Variants in LONRF1 observed in about 807,000 individuals in gnomAD.
LONRF1 encodes LON peptidase N-terminal domain and RING finger protein 1.
Under a neutral mutation model 85.8 loss-of-function variants are expected in LONRF1, and 37 were observed. The observed-to-expected ratio is 0.43, with a 90% CI of 0.33 to 0.57. LONRF1 has a LOEUF of 0.57. Among genes scored for constraint, LONRF1 ranks in the 20% least tolerant of loss-of-function variants. The probability of loss-of-function intolerance (pLI) is 0.04; values close to 1 mark genes in which losing one functional copy is unlikely to be tolerated. For synonymous variants in LONRF1, 517 were observed against 390.1 expected (o/e 1.33, Z -3.83); for missense variants, 1,036 against 978.0 (o/e 1.06, Z -0.79).
At chr8:12,749,948 G>C (rs1022831195) in intron 1 of LONRF1, among the ~76,000 whole-genome samples, 2 of 152,110 alleles carry the variant, frequency 1.3e-5, no homozygotes, top group African/African-American at 4.8e-5. Context: ...CTAAAACAAT[G>C]CCTGGTATAT....
chr8:12,748,203 ACTTT>A (rs1799240684), intron 1 of LONRF1, among the ~76,000 whole-genome samples: 1 of 152,028 alleles, frequency 6.6e-6, no homozygotes, highest in South Asian at 2.1e-4. Flanking sequence ...TATTGCTTGT[ACTTT>A]ATTTATTTGA....
chr8:12,751,297 T>TTTTTTTTTTTTTTGC (rs1563160546), intron 1 of LONRF1, among the ~76,000 whole-genome samples: 1 of 51,172 alleles, frequency 2.0e-5, no homozygotes, highest in Non-Finnish European at 4.6e-5. Context: ...TATTTTTATG[T>TTTTTTTTTTTTTTGC]TTTTTTTTTT....
intron 1 of LONRF1, among the ~76,000 whole-genome samples, chr8:12,752,818 C>G (rs1585265160): frequency 6.6e-6 from 1 of 152,208 alleles, no homozygotes; most frequent in East Asian, 1.9e-4. Context: ...ATCACTAAAT[C>G]AGCAGTACTG....
intron 1 of LONRF1, chr8:12,753,329 GTC>G (rs1204658612): frequency 1.3e-5 from 2 of 152,160 alleles, no homozygotes; most frequent in Non-Finnish European, 2.9e-5. Flanking sequence ...CAGTTACACA[GTC>G]TATAAATTTA....
At chr8:12,739,644 G>C (rs573917156) in intron 3 of LONRF1, among the ~76,000 whole-genome samples, 1 of 152,246 alleles carries the variant, frequency 6.6e-6, no homozygotes, top group Admixed American at 6.5e-5. Flanking sequence ...CTTAGAAAAA[G>C]TATATTGGAG....
Position 12,737,032 on chromosome 8 carries a change from A to T in LONRF1, c.1222T>A (p.Leu408Ile). Residue 408 changes from leucine (L) to isoleucine (I), a missense_variant, in exon 5 of 12, where the codon TTA becomes ATA. Transcript: ENST00000398246. The part of the protein sequence containing the change: ...STEMPAREDC[L>I]KRVSSEPVLS... ...ACAGGTTCTGAGGACACTCTTTTTA[A>T]ACAGTCCTCTCTGGCAGGCATTTCT... 1 of 1,613,676 alleles carries T rather than the reference A, an allele frequency of 6.2e-7. No individual in the cohort carries two copies. Among genetic ancestry groups the T allele is most frequent in the Non-Finnish European group, 8.5e-7 (1 of 1,179,718 alleles).
chr8:12,749,803 T>C (rs542139160), intron 1 of LONRF1, among the ~76,000 whole-genome samples: 9 of 152,202 alleles, frequency 5.9e-5, no homozygotes, highest in Non-Finnish European at 1.3e-4. Flanking sequence ...ATAGTCTCGG[T>C]TAAGTAGAAG....
chr8:12,726,904 T>C (rs1798329236), intron 10 of LONRF1, among the ~76,000 whole-genome samples: 1 of 152,162 alleles, frequency 6.6e-6, no homozygotes, highest in Non-Finnish European at 1.5e-5. Flanking sequence ...GTTTTTTGCA[T>C]AACAATGTGA....
At chr8:12,743,937 T>A (rs544217846) in intron 1 of LONRF1, among the ~76,000 whole-genome samples, 12 of 152,286 alleles carry the variant, frequency 7.9e-5, no homozygotes, top group African/African-American at 2.9e-4. Context: ...ATCATCCACA[T>A]CTGTACTTAA....
intron 1 of LONRF1, among the ~76,000 whole-genome samples, chr8:12,744,299 G>T (rs1799057358): frequency 6.6e-6 from 1 of 152,078 alleles, no homozygotes; most frequent in Non-Finnish European, 1.5e-5. Context: ...GCCTCTTTCA[G>T]TTGCTGGTGC....
intron 1 of LONRF1, among the ~76,000 whole-genome samples, chr8:12,745,345 A>T (rs1303604968): frequency 2.4e-5 from 3 of 124,426 alleles, no homozygotes; most frequent in African/African-American, 8.8e-5. Flanking sequence ...AAAAAAAAAA[A>T]CCAACCCCAT....
chr8:12,737,235 A>T (rs761897697), intron 4 of LONRF1, 95 bp from the exon 5 acceptor site: 2 of 1,356,728 alleles, frequency 1.5e-6, no homozygotes, highest in Admixed American at 1.7e-5. Flanking sequence ...TCAATGCCTT[A>T]TAATGCTCAT....
At chr8:12,736,537 T>G (rs1435421945) in intron 6 of LONRF1, among the ~76,000 whole-genome samples, 164 bp downstream of exon 6, 1 of 152,178 alleles carries the variant, frequency 6.6e-6, no homozygotes, top group Non-Finnish European at 1.5e-5. Flanking sequence ...GATTCAGTTA[T>G]TTGCCCAAGG....
At chr8:12,740,514 G>A (rs1798889916) in intron 3 of LONRF1, among the ~76,000 whole-genome samples, 1 of 152,164 alleles carries the variant, frequency 6.6e-6, no homozygotes, top group Non-Finnish European at 1.5e-5. Flanking sequence ...CAATCCTGCG[G>A]AGTAAGCAAA....
At chr8:12,744,148 T>C (rs1302774847) in intron 1 of LONRF1, among the ~76,000 whole-genome samples, 1 of 152,200 alleles carries the variant, frequency 6.6e-6, no homozygotes, top group Non-Finnish European at 1.5e-5. Context: ...GCATAAAGTA[T>C]TCATTGTAAG....
At chr8:12,751,936 C>G (rs796518709) in intron 1 of LONRF1, among the ~76,000 whole-genome samples, 1 of 152,058 alleles carries the variant, frequency 6.6e-6, no homozygotes, top group Non-Finnish European at 1.5e-5. Context: ...AGAGTTAATA[C>G]CAAAAGATCA....
At chr8:12,745,618 C>A (rs1039259786) in intron 1 of LONRF1, among the ~76,000 whole-genome samples, 1 of 152,238 alleles carries the variant, frequency 6.6e-6, no homozygotes, top group Non-Finnish European at 1.5e-5. Context: ...CACCTCACTG[C>A]ACACGCCATC....
In LONRF1 at chr8:12,738,008, G is replaced by T; in HGVS notation, c.1100C>A (p.Pro367His). The T allele has an allele frequency of 6.2e-7, 1 of 1,606,878 alleles. No individual in the cohort carries two copies. The highest frequency in any genetic ancestry group is 8.5e-7 in the Non-Finnish European group (1 of 1,177,366). ...VMEESQSLNE[P>H]SPKQSEEIPE... ...CTCACCCCGTACCTGCTTTGGGCTA[G>T]GTTCATTGAGAGACTGAGACTCTTC... Residue 367 changes from proline to histidine, a missense_variant, in exon 4 of 12, where the codon CCT becomes CAT. By Grantham distance (77) the Pro-to-His change is moderately conservative (BLOSUM62 -2). This residue lies in a region of LONRF1 where 742 missense variants were observed against 614.4 expected (regional missense o/e 1.21). Coordinates refer to ENST00000398246, the MANE Select transcript of LONRF1 (RefSeq NM_152271.5).
chr8:12,735,916 G>T (rs1798699456), intron 6 of LONRF1, among the ~76,000 whole-genome samples: 1 of 152,078 alleles, frequency 6.6e-6, no homozygotes, highest in African/African-American at 2.4e-5. Flanking sequence ...TAATGCAGTT[G>T]AATCCTAATG....
Sources: gnomAD v4.1 joint callset for allele counts (sites outside exome capture counted in the v4.1 genomes callset) on GRCh38, gnomAD v4.1.1 for gene constraint, gnomAD v4.1.1 regional missense constraint, MANE v1.5 for transcripts, NCBI Gene and HGNC (gene_info 2026-07-23, HGNC 2026-07-21) for gene names.